PRKCE: variants seen among roughly 807,000 people sequenced by gnomAD.
PRKCE encodes protein kinase C epsilon.
Under a neutral mutation model 85.4 loss-of-function variants are expected in PRKCE, and 16 were observed. The ratio of observed to expected loss-of-function variants is 0.19; its 90% confidence interval spans 0.13 to 0.28. The LOEUF (loss-of-function observed/expected upper bound fraction) is 0.28, where lower values mean the gene tolerates loss of function less well. Ranked by LOEUF, PRKCE falls within the 10% of genes least tolerant of loss-of-function variation. The probability of loss-of-function intolerance (pLI) is 1.00; values close to 1 mark genes in which losing one functional copy is unlikely to be tolerated. For synonymous variants in PRKCE, 388 were observed against 371.5 expected (o/e 1.04, Z -0.51); for missense variants, 573 against 975.2 (o/e 0.59, Z 5.49).
intron 1 of PRKCE, among the ~76,000 whole-genome samples, chr2:45,662,863 A>ACAAGCAAG (rs147813647): frequency 0.01 from 1,484 of 147,754 alleles, 10 homozygotes; most frequent in African/African-American, 0.013. Flanking sequence ...TACTCTGAAA[A>ACAAGCAAG]CAAGCAAGCA....
At chr2:45,794,789 G>A (rs1687289652) in intron 1 of PRKCE, among the ~76,000 whole-genome samples, 1 of 151,542 alleles carries the variant, frequency 6.6e-6, no homozygotes, top group African/African-American at 2.4e-5. Context: ...CAAAATGATA[G>A]ACATCCTTTA....
chr2:45,980,462 A>T (rs753588149), intron 5 of PRKCE, 81 bp downstream of exon 5: 3 of 1,322,674 alleles, frequency 2.3e-6, no homozygotes, highest in Non-Finnish European at 3.2e-6. Flanking sequence ...GTTCCCAAGA[A>T]AACCTTCTCT....
intron 1 of PRKCE, among the ~76,000 whole-genome samples, chr2:45,739,968 A>G (rs1239040755): frequency 2.6e-5 from 4 of 152,176 alleles, no homozygotes. Flanking sequence ...TTTGAGATAC[A>G]CCATAATCTA....
intron 1 of PRKCE, among the ~76,000 whole-genome samples, chr2:45,707,296 T>C (rs1327263045): frequency 1.3e-5 from 2 of 152,244 alleles, no homozygotes; most frequent in East Asian, 3.8e-4. Context: ...CTTCTGCTCA[T>C]CAAGAGTGAG....
At chr2:46,152,400 T>G (rs1356596466) in intron 13 of PRKCE, among the ~76,000 whole-genome samples, 1 of 151,334 alleles carries the variant, frequency 6.6e-6, no homozygotes. Context: ...CAGGCTGGCC[T>G]TGAACTCTTG....
chr2:45,958,802 ATATATATATATATATTTTTT>A (rs1701158698), intron 2 of PRKCE, among the ~76,000 whole-genome samples: 1 of 20,214 alleles, frequency 4.9e-5, no homozygotes, highest in African/African-American at 2.2e-4. Context: ...ATATATATAT[ATATATATATATATATTTTTT>A]TTTTTTTTTT....
At chr2:45,983,527 C>G (rs1413139493) in intron 5 of PRKCE, among the ~76,000 whole-genome samples, 1 of 152,136 alleles carries the variant, frequency 6.6e-6, no homozygotes, top group Non-Finnish European at 1.5e-5. Flanking sequence ...CCAGCAGACC[C>G]TTGCTTCCAT....
chr2:46,171,233 CTT>C (rs751238108), intron 14 of PRKCE, among the ~76,000 whole-genome samples: 3 of 152,188 alleles, frequency 2.0e-5, no homozygotes, highest in Non-Finnish European at 4.4e-5. Flanking sequence ...TCCTAAGGCT[CTT>C]TATTCCTGGA....
At position 45,819,689 on chromosome 2, in the gene PRKCE, T is replaced by C. The variant is rs1291350130; in HGVS notation, c.349-23311T>C. Among the ~76,000 whole-genome samples the C allele has an allele frequency of 2.0e-5, 3 of 152,300 alleles. No homozygotes were observed. In the East Asian group the frequency reaches 5.8e-4, roughly 29 times the overall value. On this transcript the variant is annotated intron_variant, in intron 1 of 14. Coordinates refer to ENST00000306156, the MANE Select transcript of PRKCE (RefSeq NM_005400.3). ...TGAGGCCAGCCTGGATGACACTGTA[T>C]AGCAAGCTGTGGTGTGAAACTGTTC...
At chr2:45,713,018 C>G (rs754571807) in intron 1 of PRKCE, among the ~76,000 whole-genome samples, 1 of 152,194 alleles carries the variant, frequency 6.6e-6, no homozygotes, top group Non-Finnish European at 1.5e-5. Context: ...CATCATGATT[C>G]AAAAGCTCTC....
At chr2:45,897,607 G>T (rs1007103537) in intron 2 of PRKCE, among the ~76,000 whole-genome samples, 1 of 152,190 alleles carries the variant, frequency 6.6e-6, no homozygotes, top group Non-Finnish European at 1.5e-5. Context: ...GTTTAGAGGT[G>T]CAAGAGGAGA....
At chr2:45,945,637 C>T (rs1260151950) in intron 2 of PRKCE, among the ~76,000 whole-genome samples, 2 of 152,210 alleles carry the variant, frequency 1.3e-5, no homozygotes, top group Non-Finnish European at 1.5e-5. Context: ...ATACTAAGTG[C>T]TTTCCATGAG....
intron 11 of PRKCE, among the ~76,000 whole-genome samples, chr2:46,129,041 G>A (rs967431567): frequency 6.6e-6 from 1 of 152,160 alleles, no homozygotes; most frequent in Non-Finnish European, 1.5e-5. Flanking sequence ...TCAAATCTTA[G>A]TTTCCCACTC....
At chr2:46,129,168 G>A (rs1322151246) in intron 11 of PRKCE, among the ~76,000 whole-genome samples, 1 of 152,150 alleles carries the variant, frequency 6.6e-6, no homozygotes, top group Non-Finnish European at 1.5e-5. Context: ...AGAATTCGAG[G>A]AGCTCCTCCA....
chr2:45,798,943 A>G (rs937879749), intron 1 of PRKCE, among the ~76,000 whole-genome samples: 8 of 152,102 alleles, frequency 5.3e-5, no homozygotes, highest in Non-Finnish European at 7.4e-5. Context: ...TGAGGTGGGC[A>G]GATCACAAGG....
At chr2:46,023,496 C>G (rs1706855536) in intron 10 of PRKCE, among the ~76,000 whole-genome samples, 2 of 152,202 alleles carry the variant, frequency 1.3e-5, no homozygotes, top group East Asian at 1.9e-4. Flanking sequence ...ATTATATAAC[C>G]TGTTTATGAC....
chr2:46,108,639 C>G (rs1671970485), intron 11 of PRKCE, among the ~76,000 whole-genome samples: 1 of 152,084 alleles, frequency 6.6e-6, no homozygotes, highest in Non-Finnish European at 1.5e-5. Flanking sequence ...GCATTTCTAC[C>G]CCATGCATAT....
intron 1 of PRKCE, among the ~76,000 whole-genome samples, chr2:45,736,351 G>GTAATA (rs1682059314): frequency 6.6e-6 from 1 of 152,198 alleles, no homozygotes; most frequent in Admixed American, 6.5e-5. Context: ...GCTATTACAT[G>GTAATA]ATAGGCGGGA....
chr2:46,084,077 A>T (rs1171418895), intron 10 of PRKCE, among the ~76,000 whole-genome samples: 3 of 152,208 alleles, frequency 2.0e-5, no homozygotes, highest in Admixed American at 2.0e-4. Context: ...AGAATGGATG[A>T]TTGAATAAAC....
Sources: allele counts gnomAD v4.1 joint callset (sites outside exome capture counted in the v4.1 genomes callset), GRCh38; gene constraint gnomAD v4.1.1; transcripts MANE v1.5; gene names NCBI Gene and HGNC (gene_info 2026-07-23, HGNC 2026-07-21).